The following CEP112 variants were observed in gnomAD, a reference collection of about 807,000 sequenced individuals.
The protein encoded by CEP112 is centrosomal protein 112.
Under a neutral mutation model 153.0 loss-of-function variants are expected in CEP112, and 127 were observed. The ratio of observed to expected loss-of-function variants is 0.83; its 90% CI spans 0.72 to 0.96. CEP112 has a LOEUF of 0.96. Among genes scored for constraint, CEP112 ranks in the 40% least tolerant of loss-of-function variants. The pLI is 0.00. For missense variants in CEP112, 1,089 were observed against 1,101.2 expected (o/e 0.99, Z 0.16); for synonymous variants, 358 against 374.4 (o/e 0.96, Z 0.51).
In CEP112 at chr17:65,798,053, C is replaced by A. The variant is rs544373522; in HGVS notation, c.2395-47329G>T. ...TGACTGGGTGGTATATGAGTGTGGG[C>A]CTCAGTCATATGGTCTAGCTGAGTT... On this transcript the variant is annotated intron_variant, in intron 21 of 26. Transcript: ENST00000535342. 1.1e-4 allele frequency among the ~76,000 whole-genome samples: 17 copies of A among 152,078 alleles called. No individual in the cohort carries two copies. The South Asian group carries it at 3.5e-3, about 32-fold the overall frequency.
In CEP112 at chr17:65,711,078, G is replaced by A. The variant is rs375918859; in HGVS notation, c.2608-21860C>T. On this transcript the variant is annotated intron_variant, in intron 23 of 26. Transcript: ENST00000535342. Reference sequence around the variant, plus strand: ...GGAGCTTCACTTTCTCTCTAGCAGCGTGGCTGGAGGCAGGACATGTGACCT... The same window carrying A: ...GGAGCTTCACTTTCTCTCTAGCAGCATGGCTGGAGGCAGGACATGTGACCT... Among the ~76,000 whole-genome samples, 8 of 152,174 alleles carry A rather than the reference G, an allele frequency of 5.3e-5. No homozygotes were observed. In the East Asian group the frequency reaches 7.7e-4, roughly 15 times the overall value.
intron 19 of CEP112, among the ~76,000 whole-genome samples, chr17:65,922,771 A>G (rs1395921149): frequency 6.6e-6 from 1 of 152,100 alleles, no homozygotes; most frequent in Non-Finnish European, 1.5e-5. Flanking sequence ...TATTTTTCTT[A>G]GTGCTTCTAA....
chr17:65,642,981 T>C (rs1283721584), intron 24 of CEP112, among the ~76,000 whole-genome samples: 1 of 152,220 alleles, frequency 6.6e-6, no homozygotes, highest in Non-Finnish European at 1.5e-5. Context: ...AAAAATCTCA[T>C]CCAGGCTCCC....
intron 8 of CEP112, among the ~76,000 whole-genome samples, chr17:66,088,793 G>T (rs904488689): frequency 6.6e-6 from 1 of 152,044 alleles, no homozygotes; most frequent in Non-Finnish European, 1.5e-5. Context: ...AAGATTCCAG[G>T]TCCATCCCTA....
At chr17:65,986,127 A>G (rs888956623) in intron 17 of CEP112, among the ~76,000 whole-genome samples, 5 of 152,228 alleles carry the variant, frequency 3.3e-5, no homozygotes, top group Middle Eastern at 3.4e-3. Context: ...CATCTCTCCA[A>G]TAGTCTCCCC....
intron 4 of CEP112, among the ~76,000 whole-genome samples, chr17:66,166,805 G>A (rs1348804329): frequency 6.6e-6 from 1 of 151,444 alleles, no homozygotes; most frequent in African/African-American, 2.4e-5. Context: ...TCAGGAGGCT[G>A]AGGCAGAAGA....
rs373076147 is a variant in CEP112, at chr17:66,096,343, G to T, written c.691-15C>A. 14 of 1,606,190 alleles carry T rather than the reference G, an allele frequency of 8.7e-6. No homozygotes were observed. Among genetic ancestry groups the T allele is most frequent in the Admixed American group, 1.7e-5 (1 of 59,592 alleles). ...TTCGGTGTCATCTGCTAAATGAACA[G>T]GAGTTATTTAACATGTTTTCAGATC... On this transcript the variant is annotated splice_polypyrimidine_tract_variant and intron_variant, in intron 7 of 26. Coordinates refer to ENST00000535342, the MANE Select transcript of CEP112 (RefSeq NM_001199165.4).
chr17:66,003,593 A>T lies in CEP112; in HGVS notation c.1736+2097T>A, dbSNP rs569066958. ...TTTAGTATGATATTACAATGTGTAA[A>T]CATTGTAGGTACTAAACAAATATTT... On this transcript the variant is annotated intron_variant, in intron 17 of 26. Coordinates refer to ENST00000535342, the MANE Select transcript of CEP112 (RefSeq NM_001199165.4). Among the ~76,000 whole-genome samples the T allele has an allele frequency of 2.9e-3, 445 of 152,310 alleles. 2 individuals carry two copies. The highest frequency in any genetic ancestry group is 4.5e-3 in the Admixed American group (69 of 15,298).
intron 11 of CEP112, among the ~76,000 whole-genome samples, chr17:66,058,068 AG>A (rs2066769337): frequency 6.7e-6 from 1 of 148,272 alleles, no homozygotes; most frequent in Middle Eastern, 3.2e-3. Flanking sequence ...TCTCCAGCCT[AG>A]GTGACAGGGC....
At chr17:66,090,907 T>C (rs1286133629) in intron 8 of CEP112, among the ~76,000 whole-genome samples, 5 of 152,034 alleles carry the variant, frequency 3.3e-5, no homozygotes, top group Admixed American at 6.5e-5. Context: ...CAGATAACAC[T>C]GACTTAAAAT....
chr17:66,154,279 C>A (rs980616510), intron 4 of CEP112, among the ~76,000 whole-genome samples: 1 of 152,072 alleles, frequency 6.6e-6, no homozygotes, highest in South Asian at 2.1e-4. Flanking sequence ...CTTTGGAAGG[C>A]CGAGATGGGC....
At chr17:65,837,897 G>C (rs189760945) in intron 21 of CEP112, among the ~76,000 whole-genome samples, 1,561 of 152,150 alleles carry the variant, frequency 0.01, 33 homozygotes, top group African/African-American at 0.036. Context: ...CAGCATACTC[G>C]TTAAGAGTCA....
At position 65,794,241 on chromosome 17, in the gene CEP112, C is replaced by T. The variant is rs370693003; in HGVS notation, c.2395-43517G>A. Reference sequence around the variant, plus strand: ...CTTAATAATCATTTTCATCTTTGTACGCATCCCCATGACAAAATATTTCGC... The same window carrying T: ...CTTAATAATCATTTTCATCTTTGTATGCATCCCCATGACAAAATATTTCGC... On this transcript the variant is annotated intron_variant, in intron 21 of 26. Coordinates refer to ENST00000535342, the MANE Select transcript of CEP112 (RefSeq NM_001199165.4). Among the ~76,000 whole-genome samples the T allele has an allele frequency of 2.2e-4, 33 of 152,224 alleles. No homozygotes were observed. In the East Asian group the frequency reaches 2.7e-3, roughly 12 times the overall value.
chr17:66,061,774 A>G (rs141959017), intron 11 of CEP112, among the ~76,000 whole-genome samples: 1 of 152,324 alleles, frequency 6.6e-6, no homozygotes, highest in Non-Finnish European at 1.5e-5. Context: ...AGCGATTACA[A>G]GAAGCAGGGG....
At chr17:66,025,433 C>T (rs2065160797) in intron 16 of CEP112, among the ~76,000 whole-genome samples, 2 of 151,796 alleles carry the variant, frequency 1.3e-5, no homozygotes. Flanking sequence ...AACTCAACAA[C>T]AGCAACAGCA....
chr17:66,182,435 T>C (rs2072758068), intron 2 of CEP112: 1 of 152,158 alleles, frequency 6.6e-6, no homozygotes, highest in African/African-American at 2.4e-5. Context: ...AGTCAGTTCC[T>C]CACTGAATAT....
At chr17:65,869,577 TTC>T (rs1359019517) in intron 20 of CEP112, among the ~76,000 whole-genome samples, 7 of 91,508 alleles carry the variant, frequency 7.6e-5, no homozygotes, top group Non-Finnish European at 1.4e-4. Context: ...AAGATAAACT[TTC>T]TTTTTTTTTT....
intron 20 of CEP112, among the ~76,000 whole-genome samples, chr17:65,867,362 G>C (rs2146459472): frequency 6.6e-6 from 1 of 152,306 alleles, no homozygotes; most frequent in Non-Finnish European, 1.5e-5. Context: ...CAAACCCAGT[G>C]GACCAGAGCA....
chr17:66,156,979 C>T (rs1237918245), intron 4 of CEP112, among the ~76,000 whole-genome samples: 7 of 152,094 alleles, frequency 4.6e-5, no homozygotes, highest in Non-Finnish European at 8.8e-5. Context: ...GGCAAACTTC[C>T]CCAACCTGGC....
Sources: allele counts gnomAD v4.1 joint callset (sites outside exome capture counted in the v4.1 genomes callset), GRCh38; gene constraint gnomAD v4.1.1; transcripts MANE v1.5; gene names NCBI Gene and HGNC (gene_info 2026-07-23, HGNC 2026-07-21).